The following RIMS2 variants were observed in gnomAD, a reference collection of about 807,000 sequenced individuals.
RIMS2 encodes the protein regulating synaptic membrane exocytosis 2, also known as regulating synaptic membrane exocytosis protein 2.
A neutral mutation model predicts 174.4 loss-of-function variants in RIMS2; 59 were observed. That is an observed-to-expected ratio of 0.34 (90% CI 0.27 to 0.42). The LOEUF (loss-of-function observed/expected upper bound fraction) is 0.42. RIMS2 is among the 10% of genes least tolerant of loss of function. RIMS2 has a pLI of 1.00. For missense variants in RIMS2, 1,620 were observed against 1,666.3 expected, an observed-to-expected ratio of 0.97 and a Z score of 0.48; for synonymous variants, 606 against 572.5, an observed-to-expected ratio of 1.06 and a Z score of -0.84.
intron 3 of RIMS2, among the ~76,000 whole-genome samples, chr8:103,833,425 T>A (rs1287783449): frequency 6.6e-6 from 1 of 152,140 alleles, no homozygotes; most frequent in Non-Finnish European, 1.5e-5. Context: ...CAAATTTTAA[T>A]TTTTAACTTA....
chr8:103,533,614 A>G (rs1838305343), intron 1 of RIMS2, among the ~76,000 whole-genome samples: 1 of 147,552 alleles, frequency 6.8e-6, no homozygotes, highest in African/African-American at 2.5e-5. Flanking sequence ...GTGAGCTGAG[A>G]TCATGCCACT....
At chr8:103,655,466 TAA>T (rs35319710) in intron 1 of RIMS2, among the ~76,000 whole-genome samples, 1 of 151,758 alleles carries the variant, frequency 6.6e-6, no homozygotes, top group African/African-American at 2.4e-5. Context: ...TAAAGGTAAT[TAA>T]AAAAAGTTTC....
chr8:103,584,786 CTTCACTGG>C (rs1438296926), intron 1 of RIMS2, among the ~76,000 whole-genome samples: 1 of 152,052 alleles, frequency 6.6e-6, no homozygotes, highest in Non-Finnish European at 1.5e-5. Flanking sequence ...AGAAAATCAA[CTTCACTGG>C]AGGAAGACAG....
intron 4 of RIMS2, among the ~76,000 whole-genome samples, chr8:103,905,775 C>CT (rs60157494): frequency 0.23 from 27,524 of 121,922 alleles, 3,195 homozygotes; most frequent in Non-Finnish European, 0.28. Context: ...ATTTTCTTTT[C>CT]TTTTTTTTTT....
At chr8:103,985,496 AAAAAAAAG>A (rs1425061761) in intron 16 of RIMS2, among the ~76,000 whole-genome samples, 56 of 150,252 alleles carry the variant, frequency 3.7e-4, no homozygotes, top group African/African-American at 1.3e-3. Context: ...AAAAAAAAAA[AAAAAAAAG>A]AGTATAATTG....
chr8:103,978,846 C>T (rs961436381), intron 16 of RIMS2, among the ~76,000 whole-genome samples: 7 of 152,052 alleles, frequency 4.6e-5, no homozygotes, highest in African/African-American at 1.7e-4. Flanking sequence ...ATTTATTGTG[C>T]GACTCAAATA....
intron 19 of RIMS2, among the ~76,000 whole-genome samples, chr8:104,043,047 T>A (rs2096635062): frequency 6.6e-6 from 1 of 151,622 alleles, no homozygotes; most frequent in Admixed American, 6.6e-5. Context: ...TAGAAGTGAA[T>A]CTTAAGAAAG....
intron 19 of RIMS2, among the ~76,000 whole-genome samples, chr8:104,159,390 G>T (rs933350364): frequency 2.0e-5 from 3 of 152,124 alleles, no homozygotes; most frequent in African/African-American, 7.2e-5. Flanking sequence ...CTCTTTTTTG[G>T]TTCCATATGA....
At chr8:103,983,715 AC>A (rs1280298823) in intron 16 of RIMS2, among the ~76,000 whole-genome samples, 1 of 152,136 alleles carries the variant, frequency 6.6e-6, no homozygotes, top group East Asian at 1.9e-4. Context: ...ATGAAACTTG[AC>A]CCCTATCTCT....
chr8:104,155,409 CTT>C (rs10578958), intron 19 of RIMS2, among the ~76,000 whole-genome samples: 24,052 of 80,242 alleles, frequency 0.3, 2,663 homozygotes, highest in Non-Finnish European at 0.33. Context: ...CCCGGCCTTG[CTT>C]TTTTTTTTTT....
chr8:104,238,404 A>G (rs1223872403), intron 19 of RIMS2, among the ~76,000 whole-genome samples: 3 of 151,952 alleles, frequency 2.0e-5, no homozygotes. Context: ...ACCATAGCAC[A>G]TGTATACCTA....
At chr8:104,071,521 G>T (rs1482795770) in intron 19 of RIMS2, among the ~76,000 whole-genome samples, 1 of 152,066 alleles carries the variant, frequency 6.6e-6, no homozygotes, top group African/African-American at 2.4e-5. Flanking sequence ...TGCAACCTCC[G>T]CCTCCTGGGT....
intron 19 of RIMS2, among the ~76,000 whole-genome samples, chr8:104,023,226 T>G (rs1418395375): frequency 6.6e-6 from 1 of 152,148 alleles, no homozygotes; most frequent in Non-Finnish European, 1.5e-5. Context: ...ACAGATCATA[T>G]TTAGGATTTT....
intron 19 of RIMS2, among the ~76,000 whole-genome samples, chr8:104,089,173 C>T (rs1198010266): frequency 6.6e-6 from 1 of 151,844 alleles, no homozygotes; most frequent in Non-Finnish European, 1.5e-5. Flanking sequence ...GTTAACAGGC[C>T]ATTCATTGTT....
intron 14 of RIMS2, among the ~76,000 whole-genome samples, chr8:103,948,341 T>A (rs904214322): frequency 3.3e-5 from 5 of 152,142 alleles, no homozygotes; most frequent in African/African-American, 1.2e-4. Context: ...TCAAGAGAAA[T>A]GAAAGTGAAT....
intron 19 of RIMS2, among the ~76,000 whole-genome samples, chr8:104,147,855 A>G (rs1490329398): frequency 6.6e-6 from 1 of 152,180 alleles, no homozygotes; most frequent in Non-Finnish European, 1.5e-5. Flanking sequence ...CAGTTGCAGT[A>G]TTAGTCTTGC....
chr8:104,162,842 C>G (rs1435981557), intron 19 of RIMS2, among the ~76,000 whole-genome samples: 1 of 151,948 alleles, frequency 6.6e-6, no homozygotes, highest in Non-Finnish European at 1.5e-5. Flanking sequence ...TTTATAAGTG[C>G]CTTAAGGTTT....
chr8:103,929,719 ATTTC>A (rs1051342269), intron 11 of RIMS2, among the ~76,000 whole-genome samples: 18 of 151,940 alleles, frequency 1.2e-4, no homozygotes, highest in African/African-American at 3.4e-4. Context: ...ACACTCCTGC[ATTTC>A]TTTCTTTGTT....
chr8:104,008,890 C>T (rs2095669681), intron 17 of RIMS2, among the ~76,000 whole-genome samples: 1 of 151,948 alleles, frequency 6.6e-6, no homozygotes, highest in African/African-American at 2.4e-5. Flanking sequence ...TGCTATTACA[C>T]CCAAGGATAA....
Sources: gnomAD v4.1 joint callset for allele counts (sites outside exome capture counted in the v4.1 genomes callset) on GRCh38, gnomAD v4.1.1 for gene constraint, MANE v1.5 for transcripts, NCBI Gene and HGNC (gene_info 2026-07-23, HGNC 2026-07-21) for gene names.